ZC3H8: variants seen among roughly 807,000 people sequenced by gnomAD.
The protein encoded by ZC3H8 is zinc finger CCCH domain-containing protein 8.
Under a neutral mutation model 42.5 loss-of-function variants are expected in ZC3H8, and 27 were observed. The observed-to-expected ratio is 0.64, with a 90% confidence interval of 0.47 to 0.88. The LOEUF (loss-of-function observed/expected upper bound fraction) is 0.88, where lower values mean the gene tolerates loss of function less well. Ranked by LOEUF, ZC3H8 falls within the 40% of genes least tolerant of loss-of-function variation. The pLI is 0.00. For missense variants in ZC3H8, 277 were observed against 336.1 expected, an observed-to-expected ratio of 0.82 and a Z score of 1.37; for synonymous variants, 101 against 110.1, an observed-to-expected ratio of 0.92 and a Z score of 0.52.
chr2:112,225,951 G>A lies in ZC3H8; in HGVS notation c.*15+4952C>T, dbSNP rs901548281. ...ACAAAAATTAGCCGGGTGTGGTGGCGCACACCTGTAATCCCAGCTACTTGG... is the reference window on the plus strand; with the variant it reads ...ACAAAAATTAGCCGGGTGTGGTGGCACACACCTGTAATCCCAGCTACTTGG... On this transcript the variant is annotated intron_variant, in intron 8 of 8. Transcript: ENST00000409573. 1.5e-4 allele frequency among the ~76,000 whole-genome samples: 23 copies of A among 151,512 alleles called. No homozygotes were observed. The Middle Eastern group carries it at 0.017, about 113-fold the overall frequency.
chr2:112,238,565 G>A (rs1435273561), intron 2 of ZC3H8, 37 bp from the exon 3 acceptor site: 2 of 1,533,298 alleles, frequency 1.3e-6, no homozygotes, highest in Non-Finnish European at 1.8e-6. Flanking sequence ...TAAAAACCTA[G>A]CATGATTCAA....
At chr2:112,247,162 T>C (rs1427384798) in intron 2 of ZC3H8, among the ~76,000 whole-genome samples, 1 of 152,228 alleles carries the variant, frequency 6.6e-6, no homozygotes, top group African/African-American at 2.4e-5. Context: ...AACCAAAACA[T>C]TCTTGTGCCT....
intron 2 of ZC3H8, 185 bp downstream of exon 2, chr2:112,250,006 A>T (rs562166038): frequency 2.8e-4 from 116 of 407,786 alleles, no homozygotes; most frequent in South Asian, 4.2e-4. Context: ...TTATTTAAAA[A>T]GTATAACCAG....
intron 8 of ZC3H8, among the ~76,000 whole-genome samples, chr2:112,227,564 C>T (rs946809719): frequency 3.3e-5 from 5 of 152,170 alleles, no homozygotes; most frequent in Admixed American, 3.3e-4. Context: ...CCTACATATA[C>T]AAATTCCTAA....
At position 112,214,271 on chromosome 2, in the gene ZC3H8, A is replaced by G. The variant is rs532227024; in HGVS notation, c.*2213T>C. ...AAGAATTGTTTTTATGAAATTATTG[A>G]GAGATTTTGCCTCCTGCTTCCTTTC... On this transcript the variant is annotated 3_prime_UTR_variant, in exon 9 of 9. Transcript: ENST00000409573. 1.8e-4 allele frequency: 28 copies of G among 152,184 alleles called. No individual in the cohort carries two copies. The highest frequency in any genetic ancestry group is 6.7e-4 in the African/African-American group (28 of 41,510). 9.4% of individuals were successfully genotyped at this position (152,184 alleles called of 1,614,324 possible). A position where few individuals can be genotyped will look rare whatever the true frequency, so the allele number is the denominator to read the frequency against.
intron 8 of ZC3H8, among the ~76,000 whole-genome samples, chr2:112,223,493 G>A (rs1400266570): frequency 6.6e-6 from 1 of 152,038 alleles, no homozygotes; most frequent in East Asian, 1.9e-4. Context: ...AAGGACTGCT[G>A]TTTTTCCATG....
At chr2:112,219,967 C>T (rs1245712750) in intron 8 of ZC3H8, among the ~76,000 whole-genome samples, 2 of 152,166 alleles carry the variant, frequency 1.3e-5, no homozygotes, top group Non-Finnish European at 2.9e-5. Context: ...TTAGAATAGA[C>T]AACTCCTGTC....
intron 2 of ZC3H8, among the ~76,000 whole-genome samples, chr2:112,248,992 C>T (rs577613216): frequency 1.6e-4 from 24 of 152,048 alleles, no homozygotes; most frequent in African/African-American, 5.3e-4. Context: ...CCCAGGAGTT[C>T]GAGACCAGCC....
chr2:112,243,675 G>T (rs1685661749), intron 2 of ZC3H8, among the ~76,000 whole-genome samples: 3 of 152,078 alleles, frequency 2.0e-5, no homozygotes, highest in Admixed American at 1.3e-4. Flanking sequence ...GTGGAAACTT[G>T]TTTTCTCTCC....
chr2:112,229,149 A>C (rs1443571622), intron 8 of ZC3H8, among the ~76,000 whole-genome samples: 1 of 152,176 alleles, frequency 6.6e-6, no homozygotes, highest in Admixed American at 6.6e-5. Flanking sequence ...ACTTGATGGA[A>C]ACTTGACATA....
intron 8 of ZC3H8, among the ~76,000 whole-genome samples, chr2:112,221,984 A>T (rs891118420): frequency 6.6e-6 from 1 of 152,124 alleles, no homozygotes; most frequent in African/African-American, 2.4e-5. Context: ...TTTCTCATTT[A>T]TATCGGCTGA....
At chr2:112,252,000 C>A (rs529078176) in intron 1 of ZC3H8, among the ~76,000 whole-genome samples, 4 of 152,200 alleles carry the variant, frequency 2.6e-5, no homozygotes, top group Middle Eastern at 3.2e-3. Context: ...CTTATCTTCA[C>A]AACTTTCAAA....
chr2:112,254,800 C>A, intron 1 of ZC3H8, 108 bp downstream of exon 1: 1 of 1,349,040 alleles, frequency 7.4e-7, no homozygotes, highest in Admixed American at 2.4e-5. Context: ...CACGGGCCCT[C>A]GCGACGCGGC....
intron 8 of ZC3H8, among the ~76,000 whole-genome samples, chr2:112,227,304 C>T (rs1429314819): frequency 1.3e-5 from 2 of 152,178 alleles, no homozygotes; most frequent in Admixed American, 6.5e-5. Context: ...GCAGGCGGAT[C>T]GCCTGAGGTC....
intron 1 of ZC3H8, 149 bp from the exon 2 acceptor site, chr2:112,250,421 G>T: frequency 2.0e-6 from 1 of 492,462 alleles, no homozygotes. Context: ...TCCAGAAAAT[G>T]TACAAAATTA....
At chr2:112,232,155 C>A (rs1251767180) in intron 6 of ZC3H8, among the ~76,000 whole-genome samples, 1 of 151,720 alleles carries the variant, frequency 6.6e-6, no homozygotes, top group African/African-American at 2.4e-5. Context: ...ACTAAAAATC[C>A]AAAAAAATTA....
intron 1 of ZC3H8, among the ~76,000 whole-genome samples, chr2:112,252,872 G>C (rs531872529): frequency 6.6e-6 from 1 of 152,158 alleles, no homozygotes; most frequent in Non-Finnish European, 1.5e-5. Context: ...AGCCGGGCGC[G>C]GTGGCTCACG....
intron 3 of ZC3H8, among the ~76,000 whole-genome samples, chr2:112,237,479 A>T (rs1393695635): frequency 1.3e-5 from 2 of 152,216 alleles, no homozygotes; most frequent in Non-Finnish European, 1.5e-5. Context: ...CTGCAATGGC[A>T]TAATCATAGT....
intron 8 of ZC3H8, among the ~76,000 whole-genome samples, chr2:112,227,755 TAACA>T (rs1283061140): frequency 1.3e-5 from 2 of 151,958 alleles, no homozygotes; most frequent in Non-Finnish European, 2.9e-5. Context: ...ACGAATAAAT[TAACA>T]AAAAAGTGTA....
Sources: allele counts gnomAD v4.1 joint callset (sites outside exome capture counted in the v4.1 genomes callset), GRCh38; gene constraint gnomAD v4.1.1; transcripts MANE v1.5; gene names NCBI Gene and HGNC (gene_info 2026-07-23, HGNC 2026-07-21).